Variants in GSE1 observed in about 807,000 individuals in gnomAD.
GSE1 encodes the protein Gse1 coiled-coil protein, also known as genetic suppressor element 1.
In GSE1, 32 loss-of-function variants were observed where a neutral mutation model predicts 112.6. The ratio of observed to expected loss-of-function variants is 0.28; its 90% CI spans 0.21 to 0.38. GSE1 has a LOEUF of 0.38. Among genes scored for constraint, GSE1 ranks in the 10% least tolerant of loss-of-function variants. GSE1 has a pLI of 1.00. For synonymous variants in GSE1, 1,115 were observed against 735.6 expected, an observed-to-expected ratio of 1.52 and a Z score of -8.35; for missense variants, 2,348 against 1,699.2, an observed-to-expected ratio of 1.38 and a Z score of -6.71.
Position 85,348,644 on chromosome 16 carries a change from C to G in GSE1, c.2284-8819C>G, listed in dbSNP as rs569273549. 1.4e-4 allele frequency among the ~76,000 whole-genome samples: 21 copies of G among 152,350 alleles called. No homozygotes were observed. The East Asian group carries it at 4.1e-3, about 29-fold the overall frequency. On this transcript the variant is annotated intron_variant, in intron 1 of 2. Coordinates refer to the GSE1 transcript ENST00000637419. ...CAGCTGGACAACCTCTGCCCACTTT[C>G]TGTCCGCTCAGCCTCAGTTTTCCCA...
chr16:85,468,576 C>G (rs2050191129), intron 2 of GSE1, among the ~76,000 whole-genome samples: 1 of 152,002 alleles, frequency 6.6e-6, no homozygotes, highest in African/African-American at 2.4e-5. Context: ...CCCCCCTCAG[C>G]CTCCCAAAGT....
At chr16:85,381,798 G>C (rs1166076988) in intron 2 of GSE1, among the ~76,000 whole-genome samples, 1 of 152,208 alleles carries the variant, frequency 6.6e-6, no homozygotes, top group Non-Finnish European at 1.5e-5. Flanking sequence ...GATGCTGTTG[G>C]GTGACCCTGA....
chr16:85,438,555 A>G (rs567589460), intron 2 of GSE1, among the ~76,000 whole-genome samples: 1 of 152,186 alleles, frequency 6.6e-6, no homozygotes, highest in Admixed American at 6.5e-5. Context: ...ACAGATGGGG[A>G]AACTGAGACC....
In GSE1 at chr16:85,191,440, T is replaced by G. The variant is rs1643250423; in HGVS notation, c.2283+19633T>G. 2.0e-5 allele frequency among the ~76,000 whole-genome samples: 3 copies of G among 152,244 alleles called. No individual in the cohort carries two copies. The South Asian group carries it at 6.2e-4, about 32-fold the overall frequency. On this transcript the variant is annotated intron_variant, in intron 1 of 2. Coordinates refer to the GSE1 transcript ENST00000637419. ...CCCCTGAAAGAAACCCCATTCTGCCTGGCCACATTAGCTTTCATTTTTATG... is the reference window on the plus strand; with the variant it reads ...CCCCTGAAAGAAACCCCATTCTGCCGGGCCACATTAGCTTTCATTTTTATG...
intron 1 of GSE1, among the ~76,000 whole-genome samples, chr16:85,180,382 T>C (rs1197872622): frequency 1.3e-5 from 2 of 152,192 alleles, no homozygotes; most frequent in East Asian, 3.9e-4. Flanking sequence ...GAGGCCACGC[T>C]ATCCTGCCCA....
rs1209973936 is a variant in GSE1, at chr16:85,657,617, CAGGA to C, written c.1640+22_1640+25del. On this transcript the variant is annotated intron_variant, in intron 8 of 15. Coordinates refer to ENST00000253458, the MANE Select transcript of GSE1 (RefSeq NM_014615.5). ...AGAGCACCACCAGGTGAGTGAGCCC[CAGGA>C]AGGAAGGAGGGATGAGCCTTCACGT... The C allele has an allele frequency of 1.3e-6, 2 of 1,494,438 alleles. No individual in the cohort carries two copies. 92.6% of individuals were successfully genotyped at this position (1,494,438 alleles called of 1,614,324 possible). A position where few individuals can be genotyped will look rare whatever the true frequency, so the allele number is the denominator to read the frequency against.
At chr16:85,247,845 C>G (rs1906028668) in intron 1 of GSE1, among the ~76,000 whole-genome samples, 1 of 152,232 alleles carries the variant, frequency 6.6e-6, no homozygotes, top group Admixed American at 6.5e-5. Flanking sequence ...GAGCCCCGTT[C>G]TGAACAGTGG....
intron 1 of GSE1, among the ~76,000 whole-genome samples, chr16:85,197,967 C>T (rs1057183346): frequency 6.6e-6 from 1 of 152,188 alleles, no homozygotes; most frequent in African/African-American, 2.4e-5. Flanking sequence ...TTCCTAGATA[C>T]AGTCAGTGAC....
chr16:85,525,251 C>T (rs2052327825), intron 2 of GSE1, among the ~76,000 whole-genome samples: 1 of 75,982 alleles, frequency 1.3e-5, no homozygotes, highest in African/African-American at 4.9e-5. Context: ...GCTCACTTGT[C>T]CCCCCCCCAC....
At chr16:85,630,082 C>G (rs547047821) in intron 1 of GSE1, among the ~76,000 whole-genome samples, 1 of 152,306 alleles carries the variant, frequency 6.6e-6, no homozygotes, top group African/African-American at 2.4e-5. Flanking sequence ...GGTGGCTTCT[C>G]ACATGGCTGT....
chr16:85,359,986 A>G (rs1005986995), intron 2 of GSE1, among the ~76,000 whole-genome samples: 4 of 152,224 alleles, frequency 2.6e-5, no homozygotes, highest in Admixed American at 6.5e-5. Context: ...GTGAGCCGTG[A>G]TTGTACCACC....
chr16:85,464,618 C>T (rs566023528), intron 2 of GSE1, among the ~76,000 whole-genome samples: 1 of 152,320 alleles, frequency 6.6e-6, no homozygotes, highest in Admixed American at 6.5e-5. Flanking sequence ...AGGGTACTCA[C>T]GAAGCCTCGG....
At chr16:85,206,423 C>G (rs1332974021) in intron 1 of GSE1, among the ~76,000 whole-genome samples, 1 of 152,124 alleles carries the variant, frequency 6.6e-6, no homozygotes, top group African/African-American at 2.4e-5. Context: ...GGTTTTGAGC[C>G]TGACTGGAAC....
At position 85,654,329 on chromosome 16, in the gene GSE1, C is replaced by T. The variant is rs763667626; in HGVS notation, c.478C>T (p.Pro160Ser). The part of the protein sequence containing the change: ...SGGRERLIVE[P>S]PLPQEKAGGP... ...AGGTCGGGAACGCCTCATTGTGGAGCCCCCGCTCCCTCAGGAGAAGGCAGG... is the reference window on the plus strand; with the variant it reads ...AGGTCGGGAACGCCTCATTGTGGAGTCCCCGCTCCCTCAGGAGAAGGCAGG... Residue 160 changes from proline (P) to serine (S), a missense_variant, in exon 4 of 16, where the codon CCC becomes TCC. Pro to Ser is a moderately conservative substitution (Grantham distance 74, BLOSUM62 -1). Coordinates refer to ENST00000253458, the MANE Select transcript of GSE1 (RefSeq NM_014615.5). 39 of 1,611,182 alleles carry T rather than the reference C, an allele frequency of 2.4e-5. No individual in the cohort carries two copies. The highest frequency in any genetic ancestry group is 3.0e-5 in the Non-Finnish European group (35 of 1,179,312).
At chr16:85,265,324 G>A (rs1410617948) in intron 1 of GSE1, among the ~76,000 whole-genome samples, 2 of 152,132 alleles carry the variant, frequency 1.3e-5, no homozygotes, top group East Asian at 3.8e-4. Flanking sequence ...GAAAGGAGTT[G>A]GCGGCCACCT....
chr16:85,666,070 G>C lies in GSE1; in HGVS notation c.2853G>C (p.Lys951Asn), dbSNP rs201012351. 7.4e-6 allele frequency: 12 copies of C among 1,613,424 alleles called. No homozygotes were observed. In the Admixed American group the frequency reaches 1.7e-4, roughly 22 times the overall value. The change falls in exon 13 of 16, where the codon AAG (lysine) becomes AAC (asparagine). Residue 951 changes from lysine to asparagine, a missense_variant. By Grantham distance (94) the Lys-to-Asn change is moderately conservative (BLOSUM62 0). Coordinates refer to ENST00000253458, the MANE Select transcript of GSE1 (RefSeq NM_014615.5). ...SDIPKAAEPG[K>N]LEQVRPQELS... ...TCCCAAAGGCCGCGGAGCCTGGGAA[G>C]CTGGAACAGGTCCGGCCCCAGGAGC...
chr16:85,337,301 T>G (rs1167965710), intron 1 of GSE1, among the ~76,000 whole-genome samples: 2 of 149,296 alleles, frequency 1.3e-5, no homozygotes, highest in Non-Finnish European at 3.0e-5. Flanking sequence ...TTTTTTCTTT[T>G]CTTTTCTTTT....
At chr16:85,204,922 G>C (rs1471925745) in intron 1 of GSE1, among the ~76,000 whole-genome samples, 2 of 152,196 alleles carry the variant, frequency 1.3e-5, no homozygotes, top group East Asian at 1.9e-4. Flanking sequence ...GAGTTCTGGA[G>C]TCCATGCAGT....
chr16:85,360,981 GC>G (rs1356081570), intron 2 of GSE1, among the ~76,000 whole-genome samples: 1 of 151,810 alleles, frequency 6.6e-6, no homozygotes, highest in South Asian at 2.1e-4. Flanking sequence ...ACCACACACA[GC>G]CACACACACA....
Sources: gnomAD v4.1 joint callset for allele counts (sites outside exome capture counted in the v4.1 genomes callset) on GRCh38, gnomAD v4.1.1 for gene constraint, MANE v1.5 for transcripts, NCBI Gene and HGNC (gene_info 2026-07-23, HGNC 2026-07-21) for gene names.